The following DPH6 variants were observed in gnomAD, a reference collection of about 807,000 sequenced individuals.
DPH6 encodes the protein diphthine--ammonia ligase.
Under a neutral mutation model 38.2 loss-of-function variants are expected in DPH6, and 33 were observed. That is an observed-to-expected ratio of 0.86 (90% CI 0.65 to 1.15). The LOEUF is 1.15. DPH6 is among the 50% of genes most tolerant of loss of function. The pLI is 0.00. For synonymous variants in DPH6, 108 were observed against 103.0 expected, an observed-to-expected ratio of 1.05 and a Z score of -0.30; for missense variants, 325 against 320.0, an observed-to-expected ratio of 1.02 and a Z score of -0.12.
At chr15:35,469,688 A>G (rs550876925) in intron 3 of DPH6, among the ~76,000 whole-genome samples, 1 of 152,306 alleles carries the variant, frequency 6.6e-6, no homozygotes, top group South Asian at 2.1e-4. Flanking sequence ...ATGTGCCTTT[A>G]GGTCATTCAA....
chr15:35,420,129 G>C (rs373670603), intron 5 of DPH6, among the ~76,000 whole-genome samples: 86 of 152,072 alleles, frequency 5.7e-4, no homozygotes, highest in Non-Finnish European at 9.9e-4. Context: ...ATAAAAGGAA[G>C]AATCATGGAA....
rs569569140 is a variant in DPH6, at chr15:35,454,729, A to C, written c.386+18T>G. The C allele has an allele frequency of 1.1e-5, 17 of 1,588,956 alleles. No individual in the cohort carries two copies. The highest frequency in any genetic ancestry group is 1.1e-5 in the Non-Finnish European group (13 of 1,165,176). The stretch of plus-strand genomic sequence containing the variant: ...AAACACATACACTTTTAAAACTAAC[A>C]AATTAATGTTTTCTTACACATTTTC... On this transcript the variant is annotated intron_variant, in intron 4 of 8. Transcript: ENST00000256538.
the DPH6 span, among the ~76,000 whole-genome samples, chr15:35,206,786 C>A: frequency 1.3e-5 from 2 of 152,092 alleles, no homozygotes. Context: ...AAATTCAGAA[C>A]TCAGAGTCCT....
intron 3 of DPH6, among the ~76,000 whole-genome samples, chr15:35,360,568 T>C (rs1566880286): frequency 6.6e-6 from 1 of 152,156 alleles, no homozygotes; most frequent in Non-Finnish European, 1.5e-5. Flanking sequence ...ATGTGTCTTT[T>C]GAAGGTAACA....
At chr15:35,494,934 C>T (rs530956155) in intron 3 of DPH6, among the ~76,000 whole-genome samples, 1 of 152,096 alleles carries the variant, frequency 6.6e-6, no homozygotes, top group Non-Finnish European at 1.5e-5. Context: ...AAAAAAATGT[C>T]ATTATTCACT....
intron 6 of DPH6, chr15:35,401,121 CTT>C (rs2053213485): frequency 1.1e-6 from 1 of 932,746 alleles, no homozygotes; most frequent in Non-Finnish European, 1.7e-6. Context: ...ATGACCATGA[CTT>C]TGTGGATAAG....
intron 3 of DPH6, among the ~76,000 whole-genome samples, chr15:35,365,189 C>T (rs1438033146): frequency 6.6e-6 from 1 of 152,028 alleles, no homozygotes; most frequent in Admixed American, 6.6e-5. Context: ...TTCAGGATTC[C>T]TAGATCACGC....
intron 3 of DPH6, among the ~76,000 whole-genome samples, chr15:35,264,635 G>T (rs2051771522): frequency 6.6e-6 from 1 of 152,300 alleles, no homozygotes; most frequent in East Asian, 1.9e-4. Flanking sequence ...CAGTGGGTGG[G>T]AGCCCAGCAG....
At chr15:35,415,662 T>A (rs2053426835) in intron 5 of DPH6, among the ~76,000 whole-genome samples, 1 of 152,018 alleles carries the variant, frequency 6.6e-6, no homozygotes, top group Non-Finnish European at 1.5e-5. Flanking sequence ...ACCTGTGATC[T>A]TCACACAGGT....
the DPH6 span, among the ~76,000 whole-genome samples, chr15:35,204,032 TTC>T: frequency 3.3e-5 from 5 of 151,918 alleles, no homozygotes; most frequent in African/African-American, 1.2e-4. Context: ...TTATTTATTT[TTC>T]TCTTTCATTG....
chr15:35,359,445 C>T (rs1302706215), intron 3 of DPH6, among the ~76,000 whole-genome samples: 2 of 152,174 alleles, frequency 1.3e-5, no homozygotes, highest in African/African-American at 4.8e-5. Context: ...TAGAGATTTG[C>T]TTCTCTCTGT....
At chr15:35,415,028 A>G (rs2053418324) in intron 5 of DPH6, among the ~76,000 whole-genome samples, 1 of 151,850 alleles carries the variant, frequency 6.6e-6, no homozygotes, top group African/African-American at 2.4e-5. Context: ...CTGGATCCCT[A>G]CATTACAGCA....
intron 3 of DPH6, among the ~76,000 whole-genome samples, chr15:35,464,791 C>T (rs568809254): frequency 6.6e-6 from 1 of 152,162 alleles, no homozygotes; most frequent in Non-Finnish European, 1.5e-5. Flanking sequence ...AATGACTACT[C>T]TCAAAACCAG....
At chr15:35,309,647 T>C (rs552271680) in intron 3 of DPH6, among the ~76,000 whole-genome samples, 3 of 152,350 alleles carry the variant, frequency 2.0e-5, no homozygotes, top group African/African-American at 7.2e-5. Context: ...GAACCAATTT[T>C]CCTCAAAGTT....
intron 7 of DPH6, among the ~76,000 whole-genome samples, chr15:35,380,264 C>T (rs1363679738): frequency 1.3e-5 from 2 of 152,206 alleles, no homozygotes; most frequent in Non-Finnish European, 1.5e-5. Flanking sequence ...TTCTAACCAC[C>T]TTCCCTGACA....
At chr15:35,363,502 G>C (rs375994013) in intron 3 of DPH6, among the ~76,000 whole-genome samples, 1 of 151,708 alleles carries the variant, frequency 6.6e-6, no homozygotes, top group African/African-American at 2.4e-5. Context: ...CATTCTTTCT[G>C]TGCCCTTATT....
At chr15:35,328,960 T>A (rs1237480466), downstream of DPH6, among the ~76,000 whole-genome samples, 1 of 152,174 alleles carries the variant, frequency 6.6e-6, no homozygotes, top group Non-Finnish European at 1.5e-5. Context: ...CGGAAACCCC[T>A]GATAAAATCA....
chr15:35,431,204 T>C (rs905048134), intron 5 of DPH6, among the ~76,000 whole-genome samples: 1 of 152,192 alleles, frequency 6.6e-6, no homozygotes, highest in Non-Finnish European at 1.5e-5. Flanking sequence ...AATTCACTTG[T>C]TCACATACGT....
chr15:35,232,294 A>G (rs886955550), intron 3 of DPH6, among the ~76,000 whole-genome samples: 1 of 152,190 alleles, frequency 6.6e-6, no homozygotes, highest in African/African-American at 2.4e-5. Flanking sequence ...AAAATATTCA[A>G]GGCAAGGCCA....
Sources: allele counts gnomAD v4.1 joint callset (sites outside exome capture counted in the v4.1 genomes callset), GRCh38; gene constraint gnomAD v4.1.1; transcripts MANE v1.5; gene names NCBI Gene and HGNC (gene_info 2026-07-23, HGNC 2026-07-21).